CELF2: variants seen among roughly 807,000 people sequenced by gnomAD.
CELF2 encodes CUGBP Elav-like family member 2.
A neutral mutation model predicts 62.6 loss-of-function variants in CELF2; 8 were observed. The ratio of observed to expected loss-of-function variants is 0.13; its 90% CI spans 0.07 to 0.23. The LOEUF (loss-of-function observed/expected upper bound fraction) is 0.23. CELF2 is among the 10% of genes least tolerant of loss of function. The pLI is 1.00. For synonymous variants in CELF2, 258 were observed against 250.0 expected, an observed-to-expected ratio of 1.03 and a Z score of -0.30; for missense variants, 333 against 671.0, an observed-to-expected ratio of 0.50 and a Z score of 5.56.
At chr10:11,057,831 T>G (rs1189024004) in intron 1 of CELF2, among the ~76,000 whole-genome samples, 1 of 152,196 alleles carries the variant, frequency 6.6e-6, no homozygotes, top group African/African-American at 2.4e-5. Context: ...AGATGCATTT[T>G]AAGATACTGC....
At chr10:10,805,955 GA>G (rs1361864386) in intron 1 of CELF2, among the ~76,000 whole-genome samples, 1 of 152,118 alleles carries the variant, frequency 6.6e-6, no homozygotes, top group African/African-American at 2.4e-5. Context: ...GAAACAAAAA[GA>G]AAAATGAAAA....
intron 1 of CELF2, among the ~76,000 whole-genome samples, chr10:11,099,580 C>T (rs2050877594): frequency 1.3e-5 from 2 of 152,192 alleles, no homozygotes; most frequent in African/African-American, 4.8e-5. Flanking sequence ...TCTGTTTCCA[C>T]TTCTGATGAG....
At chr10:11,058,211 C>T (rs2065790263) in intron 1 of CELF2, among the ~76,000 whole-genome samples, 1 of 152,122 alleles carries the variant, frequency 6.6e-6, no homozygotes, top group South Asian at 2.1e-4. Flanking sequence ...TTGAGCTCAG[C>T]CATGCGGTAA....
chr10:10,965,014 T>G (rs577248193), intron 2 of CELF2, among the ~76,000 whole-genome samples: 1 of 152,302 alleles, frequency 6.6e-6, no homozygotes, highest in Non-Finnish European at 1.5e-5. Context: ...TCTCTGATGA[T>G]AAAACAGCAT....
At chr10:11,048,988 A>T (rs1194388531) in intron 1 of CELF2, among the ~76,000 whole-genome samples, 1 of 152,218 alleles carries the variant, frequency 6.6e-6, no homozygotes, top group African/African-American at 2.4e-5. Flanking sequence ...CATGTATTAG[A>T]AGCCAGAGGA....
the CELF2 span, among the ~76,000 whole-genome samples, chr10:10,708,416 T>A: frequency 6.6e-6 from 1 of 152,200 alleles, no homozygotes; most frequent in Non-Finnish European, 1.5e-5. Flanking sequence ...GTATGGCTGG[T>A]ACCTTGGGAC....
intron 1 of CELF2, among the ~76,000 whole-genome samples, chr10:10,900,073 T>C (rs982923667): frequency 2.7e-5 from 4 of 147,834 alleles, no homozygotes; most frequent in Non-Finnish European, 5.9e-5. Flanking sequence ...CCATTTCTAA[T>C]AAGAAACTGA....
At chr10:10,882,874 C>T (rs2061521874) in intron 1 of CELF2, among the ~76,000 whole-genome samples, 1 of 152,174 alleles carries the variant, frequency 6.6e-6, no homozygotes, top group African/African-American at 2.4e-5. Context: ...AAAGCACCCT[C>T]AGACTAGGAA....
intron 2 of CELF2, chr10:10,944,057 G>C (rs2047367359): frequency 6.6e-6 from 1 of 152,426 alleles, no homozygotes; most frequent in African/African-American, 2.4e-5. Flanking sequence ...CTCTTTTCTA[G>C]TATTGGGTCT....
the CELF2 span, among the ~76,000 whole-genome samples, chr10:10,687,192 T>C: frequency 6.6e-6 from 1 of 152,206 alleles, no homozygotes; most frequent in Non-Finnish European, 1.5e-5. Flanking sequence ...ACAGTGGACC[T>C]GAATTGTTTT....
At chr10:10,556,214 G>A in the CELF2 span, among the ~76,000 whole-genome samples, 1 of 151,816 alleles carries the variant, frequency 6.6e-6, no homozygotes, top group Non-Finnish European at 1.5e-5. Context: ...CCCAGAGTGT[G>A]ATATTCCGCT....
chr10:10,952,687 A>C lies in CELF2; in HGVS notation c.89+32688A>C, dbSNP rs1048453125. Among the ~76,000 whole-genome samples the C allele has an allele frequency of 3.9e-5, 6 of 152,184 alleles. No individual in the cohort carries two copies. In the East Asian group the frequency reaches 7.7e-4, roughly 20 times the overall value. The stretch of plus-strand genomic sequence containing the variant: ...TATGAGATGGTCCAAAAAAAAAAAA[A>C]AAGAGGTGGGGGATTGTAGTTATTT... On this transcript the variant is annotated intron_variant, in intron 2 of 13. Transcript: ENST00000636488.
chr10:11,253,308 G>C (rs76582204), intron 4 of CELF2, among the ~76,000 whole-genome samples: 2,034 of 152,300 alleles, frequency 0.013, 45 homozygotes, highest in South Asian at 0.048. Context: ...CCTGCTGTGT[G>C]TGTCTCTCTC....
At chr10:11,020,972 C>A (rs180731696) in intron 1 of CELF2, among the ~76,000 whole-genome samples, 2 of 152,272 alleles carry the variant, frequency 1.3e-5, no homozygotes, top group Admixed American at 1.3e-4. Context: ...TGTTACTATA[C>A]AATATCATCT....
chr10:11,287,919 TGTA>T (rs1319610312), intron 8 of CELF2, among the ~76,000 whole-genome samples: 5 of 152,212 alleles, frequency 3.3e-5, no homozygotes, highest in Non-Finnish European at 7.3e-5. Context: ...TCCAGTAAAA[TGTA>T]GTTTCTTCTG....
intron 1 of CELF2, among the ~76,000 whole-genome samples, chr10:11,161,933 G>A (rs2065815192): frequency 6.6e-6 from 1 of 152,212 alleles, no homozygotes. Flanking sequence ...GCTTAGAAGT[G>A]TCAGTGCTAC....
At chr10:10,741,336 AC>A in the CELF2 span, among the ~76,000 whole-genome samples, 1 of 151,802 alleles carries the variant, frequency 6.6e-6, no homozygotes, top group South Asian at 2.1e-4. Flanking sequence ...CATGGTGAAA[AC>A]CCATCTCTTC....
chr10:11,328,021 G>A lies in CELF2; in HGVS notation c.1439-905G>A, dbSNP rs2095846041. 6.6e-6 allele frequency among the ~76,000 whole-genome samples: 1 copy of A among 152,156 alleles called. No homozygotes were observed. Among genetic ancestry groups the A allele is most frequent in the Non-Finnish European group, 1.5e-5 (1 of 68,036 alleles). On this transcript the variant is annotated intron_variant, in intron 12 of 12. Transcript: ENST00000633077. This position sits in a 1 kb window ranked among gnomAD's most constrained non-coding sequence, Gnocchi z 6.4. ...CTCTGCTGCTGCCTCCCCCAGTGCT[G>A]GAACAGACTCTGGGACCAAGATCCT...
chr10:10,470,007 C>T, the CELF2 span, among the ~76,000 whole-genome samples: 1 of 151,728 alleles, frequency 6.6e-6, no homozygotes, highest in South Asian at 2.1e-4. Context: ...ACATGATGCT[C>T]AAAGAAAATG....
Sources: gnomAD v4.1 joint callset for allele counts (sites outside exome capture counted in the v4.1 genomes callset) on GRCh38, gnomAD v4.1.1 for gene constraint, Gnocchi (gnomAD v3.1) non-coding constraint, MANE v1.5 for transcripts, NCBI Gene and HGNC (gene_info 2026-07-23, HGNC 2026-07-21) for gene names.